Variants in RBFOX2 observed in about 807,000 individuals in gnomAD.
The protein encoded by RBFOX2 is RNA binding protein fox-1 homolog 2.
A neutral mutation model predicts 49.1 loss-of-function variants in RBFOX2; 10 were observed. The observed-to-expected ratio is 0.20, with a 90% confidence interval of 0.13 to 0.35. The LOEUF (loss-of-function observed/expected upper bound fraction) is 0.35. Ranked by LOEUF, RBFOX2 falls within the 10% of genes least tolerant of loss-of-function variation. RBFOX2 has a pLI of 1.00. For synonymous variants in RBFOX2, 183 were observed against 187.4 expected (o/e 0.98, Z 0.19); for missense variants, 323 against 486.9 (o/e 0.66, Z 3.17).
chr22:35,843,623 TCTTAA>T (rs1358224307), upstream of RBFOX2, among the ~76,000 whole-genome samples: 1 of 152,144 alleles, frequency 6.6e-6, no homozygotes, highest in Non-Finnish European at 1.5e-5. Flanking sequence ...AAACTCTCAC[TCTTAA>T]CTTAAAATGA....
exon 12 of RBFOX2, chr22:35,740,844 AC>A (rs1929577644): frequency 6.6e-6 from 1 of 152,118 alleles, no homozygotes; most frequent in African/African-American, 2.4e-5. Context: ...GTAGTGATTA[AC>A]CCACTTATCT....
intron 1 of RBFOX2, among the ~76,000 whole-genome samples, chr22:35,887,537 C>G (rs953373375): frequency 6.6e-6 from 1 of 152,132 alleles, no homozygotes; most frequent in African/African-American, 2.4e-5. Context: ...CATCACATAC[C>G]TCAGCAGGGG....
intron 1 of RBFOX2, among the ~76,000 whole-genome samples, chr22:35,985,287 T>C (rs1216852409): frequency 6.6e-6 from 1 of 152,194 alleles, no homozygotes; most frequent in Non-Finnish European, 1.5e-5. Context: ...ACACAAACCC[T>C]AAGTTGTTCC....
intron 1 of RBFOX2, among the ~76,000 whole-genome samples, chr22:35,989,883 T>C (rs1052466701): frequency 1.5e-4 from 23 of 152,104 alleles, no homozygotes; most frequent in African/African-American, 5.3e-4. Context: ...AAGAGGTCAC[T>C]TAAAAACAGA....
chr22:35,975,772 T>C lies in RBFOX2; in HGVS notation c.187-36875A>G, dbSNP rs944857410. On this transcript the variant is annotated intron_variant, in intron 1 of 13. Transcript: ENST00000438146. ...AAATGAGTTCCCACTTGATCACTAG[T>C]GTTTTCTGTTTGACCCAACATATAT... Among the ~76,000 whole-genome samples, 6 of 152,286 alleles carry C rather than the reference T, an allele frequency of 3.9e-5. No homozygotes were observed. The East Asian group carries it at 9.6e-4, about 24-fold the overall frequency.
chr22:35,838,403 T>C (rs563920990), intron 1 of RBFOX2, among the ~76,000 whole-genome samples: 2 of 152,088 alleles, frequency 1.3e-5, no homozygotes, highest in Non-Finnish European at 2.9e-5. Context: ...GGGCATTTTG[T>C]TTATGAGCAA....
chr22:35,840,238 T>C, exon 1 of RBFOX2: 1 of 1,614,184 alleles, frequency 6.2e-7, no homozygotes, highest in Non-Finnish European at 8.5e-7. Context: ...GGATAGATGA[T>C]AAACCTTTCA....
At chr22:35,848,245 G>A (rs967467205) in intron 1 of RBFOX2, among the ~76,000 whole-genome samples, 1 of 152,036 alleles carries the variant, frequency 6.6e-6, no homozygotes, top group Non-Finnish European at 1.5e-5. Context: ...AACACTTCCA[G>A]CCTTAAGCTG....
At chr22:35,853,624 C>CATT (rs2042190192) in intron 1 of RBFOX2, among the ~76,000 whole-genome samples, 1 of 150,234 alleles carries the variant, frequency 6.7e-6, no homozygotes, top group South Asian at 2.1e-4. Flanking sequence ...ATACACATAC[C>CATT]ATTATATGCC....
At chr22:35,944,121 T>A (rs961452260) in intron 1 of RBFOX2, among the ~76,000 whole-genome samples, 2 of 152,248 alleles carry the variant, frequency 1.3e-5, no homozygotes, top group Non-Finnish European at 1.5e-5. Flanking sequence ...ATAGTGCTGG[T>A]ATTCTTGCCC....
intron 1 of RBFOX2, among the ~76,000 whole-genome samples, chr22:35,858,663 T>C (rs1340322726): frequency 6.6e-6 from 1 of 151,534 alleles, no homozygotes; most frequent in East Asian, 1.9e-4. Context: ...CCAACTCTAC[T>C]AAAAATACAA....
intron 1 of RBFOX2, among the ~76,000 whole-genome samples, chr22:36,001,184 TACACACAC>T (rs57905429): frequency 0.071 from 9,526 of 133,580 alleles, 447 homozygotes; most frequent in Admixed American, 0.14. Flanking sequence ...CCCCAAAACA[TACACACAC>T]ACACACACAC....
At chr22:35,750,538 C>T (rs184182372) in intron 9 of RBFOX2, 39 of 1,069,194 alleles carry the variant, frequency 3.6e-5, no homozygotes, top group African/African-American at 3.0e-4. Flanking sequence ...CACACACGGA[C>T]GGCTTTTTGG....
At chr22:35,957,302 TAAG>T (rs1173124115) in intron 1 of RBFOX2, among the ~76,000 whole-genome samples, 7 of 152,112 alleles carry the variant, frequency 4.6e-5, no homozygotes, top group Non-Finnish European at 1.0e-4. Context: ...ACAATAATAA[TAAG>T]AAGAAACAGT....
intron 10 of RBFOX2, 115 bp downstream of exon 12, chr22:35,746,358 G>A (rs1932776680): frequency 1.0e-6 from 1 of 983,330 alleles, no homozygotes; most frequent in Admixed American, 2.5e-5. Context: ...AGGCTGGCAA[G>A]ATGCCCGATG....
chr22:35,937,084 C>T (rs2053163312), intron 1 of RBFOX2, among the ~76,000 whole-genome samples: 1 of 152,216 alleles, frequency 6.6e-6, no homozygotes, highest in Admixed American at 6.5e-5. Flanking sequence ...GCCCATAGGA[C>T]TGTAGTTCTC....
At chr22:35,953,360 G>A (rs753602533) in intron 1 of RBFOX2, among the ~76,000 whole-genome samples, 24 of 152,080 alleles carry the variant, frequency 1.6e-4, no homozygotes, top group Admixed American at 4.6e-4. Flanking sequence ...CTACAACATG[G>A]ATAAACAATG....
intron 1 of RBFOX2, among the ~76,000 whole-genome samples, chr22:35,936,388 A>T (rs9619576): frequency 0.024 from 3,676 of 152,232 alleles, 159 homozygotes; most frequent in African/African-American, 0.084. Flanking sequence ...CAGACTGTTC[A>T]GCGACCAGTG....
At chr22:35,969,529 G>A (rs919284366) in intron 1 of RBFOX2, among the ~76,000 whole-genome samples, 4 of 152,006 alleles carry the variant, frequency 2.6e-5, no homozygotes, top group South Asian at 4.1e-4. Context: ...AGCCGAGATC[G>A]CACCACTGCA....
Sources: allele counts gnomAD v4.1 joint callset (sites outside exome capture counted in the v4.1 genomes callset), GRCh38; gene constraint gnomAD v4.1.1; transcripts MANE v1.5; gene names NCBI Gene and HGNC (gene_info 2026-07-23, HGNC 2026-07-21).